The following KLHL13 variants were observed in gnomAD, a reference collection of about 807,000 sequenced individuals.
The protein encoded by KLHL13 is kelch-like protein 13.
A neutral mutation model predicts 37.1 loss-of-function variants in KLHL13; 10 were observed. The observed-to-expected ratio is 0.27, with a 90% confidence interval of 0.17 to 0.46. The LOEUF is 0.46. KLHL13 is among the 20% of genes least tolerant of loss of function. The pLI, the probability that KLHL13 is intolerant of heterozygous loss-of-function variation, is 1.00. For synonymous variants in KLHL13, 163 were observed against 181.2 expected (o/e 0.90, Z 0.81); for missense variants, 360 against 509.3 (o/e 0.71, Z 2.82).
chrX:117,963,025 T>C (rs971324151), intron 1 of KLHL13, among the ~76,000 whole-genome samples: 1 of 112,307 alleles, frequency 8.9e-6, no homozygotes, highest in Non-Finnish European at 1.9e-5. Flanking sequence ...ATTTGGAATA[T>C]GTCTCATGAA....
intron 5 of KLHL13, among the ~76,000 whole-genome samples, chrX:117,903,713 A>G (rs1930309203): frequency 9.0e-6 from 1 of 111,144 alleles, no homozygotes; most frequent in Non-Finnish European, 1.9e-5. Flanking sequence ...ATTAATGGGA[A>G]GCTTTTAGAA....
intron 1 of KLHL13, among the ~76,000 whole-genome samples, chrX:117,948,629 A>C (rs769106176): frequency 4.5e-5 from 5 of 111,343 alleles, no homozygotes; most frequent in South Asian, 7.6e-4. Flanking sequence ...GACTATATTA[A>C]CGAATTTTGT....
intron 1 of KLHL13, among the ~76,000 whole-genome samples, chrX:118,006,118 T>C (rs2053978752): frequency 9.0e-6 from 1 of 111,714 alleles, no homozygotes; most frequent in Non-Finnish European, 1.9e-5. Context: ...ACCCAGTGAT[T>C]ATTAGATCAA....
chrX:117,977,420 A>G (rs1295398224), upstream of KLHL13, among the ~76,000 whole-genome samples: 2 of 110,165 alleles, frequency 1.8e-5, no homozygotes, highest in African/African-American at 6.9e-5. Context: ...TAATTTGCTA[A>G]CTGACTAGTA....
At chrX:118,098,834 C>T (rs1283445784) in intron 1 of KLHL13, among the ~76,000 whole-genome samples, 1 of 102,590 alleles carries the variant, frequency 9.7e-6, no homozygotes, top group Non-Finnish European at 2.0e-5. Flanking sequence ...GACAAAAAAC[C>T]AAACACCGCA....
intron 2 of KLHL13, among the ~76,000 whole-genome samples, chrX:117,938,946 A>AT (rs200951166): frequency 1.5e-4 from 16 of 106,892 alleles, no homozygotes; most frequent in Admixed American, 5.0e-4. Context: ...AGAGGGATTT[A>AT]TTTTTTTTTT....
At chrX:118,111,274 C>T in intron 1 of KLHL13, among the ~76,000 whole-genome samples, 1 of 112,560 alleles carries the variant, frequency 8.9e-6, no homozygotes, top group Non-Finnish European at 1.9e-5. Flanking sequence ...GTCTATGGTG[C>T]AACCCCATAA....
At chrX:117,972,722 C>A in intron 1 of KLHL13, 1 of 1,186,465 alleles carries the variant, frequency 8.4e-7, no homozygotes, top group East Asian at 3.0e-5. Context: ...CCTATTTTCT[C>A]TCACTTACAT....
At chrX:118,050,943 G>A (rs1225724436) in intron 1 of KLHL13, among the ~76,000 whole-genome samples, 1 of 111,908 alleles carries the variant, frequency 8.9e-6, no homozygotes, top group Non-Finnish European at 1.9e-5. Context: ...TAGAGAATCT[G>A]CATTGCTAAC....
chrX:117,902,263 G>T (rs565547129), intron 5 of KLHL13, among the ~76,000 whole-genome samples: 16 of 110,737 alleles, frequency 1.4e-4, no homozygotes, highest in Admixed American at 4.8e-4. Context: ...CATTTTCTTT[G>T]CTCTAAAAAC....
chrX:117,999,133 A>G (rs927890514), intron 1 of KLHL13, among the ~76,000 whole-genome samples: 2 of 110,932 alleles, frequency 1.8e-5, no homozygotes, highest in Non-Finnish European at 3.8e-5. Flanking sequence ...GATAAAAACA[A>G]AAGGTTCCTC....
At position 117,972,661 on chromosome X, in the gene KLHL13, GC is replaced by G. The variant is rs2053543556; in HGVS notation, c.98+69del. Reference sequence around the variant, plus strand: ...GATGTTGCTGTTTGGGGGCTCCCCCGCCCCCATTTTGCCACAAGGTAGATTC... The same window carrying G: ...GATGTTGCTGTTTGGGGGCTCCCCCGCCCCATTTTGCCACAAGGTAGATTC... On this transcript the variant is annotated intron_variant, in intron 1 of 6. Coordinates refer to ENST00000262820, the Ensembl canonical transcript of KLHL13. 7.8e-5 allele frequency: 74 copies of G among 944,415 alleles called. 1 individual carries two copies. In the South Asian group the frequency reaches 1.4e-3, roughly 18 times the overall value. 77.8% of individuals were successfully genotyped at this position (944,415 alleles called of 1,213,427 possible). A position where few individuals can be genotyped will look rare whatever the true frequency, so the allele number is the denominator to read the frequency against.
intron 5 of KLHL13, among the ~76,000 whole-genome samples, chrX:117,906,530 G>T (rs887980044): frequency 8.1e-5 from 9 of 111,090 alleles, no homozygotes; most frequent in Admixed American, 9.6e-5. Flanking sequence ...CTCAAAGGGG[G>T]TGGAGTGGAT....
Position 118,071,054 on chromosome X carries a change from A to G in KLHL13, c.-56+45454T>C, listed in dbSNP as rs751899940. 2.7e-4 allele frequency among the ~76,000 whole-genome samples: 30 copies of G among 110,594 alleles called. No individual in the cohort carries two copies. The South Asian group carries it at 0.012, about 42-fold the overall frequency. On this transcript the variant is annotated intron_variant, in intron 1 of 6. Coordinates refer to the KLHL13 transcript ENST00000371882. ...AGTTTACTGAGAATGATGATTTCCA[A>G]CTTCATCCATGTCCCTACAAAGGAC...
At chrX:118,097,255 A>G (rs752619749) in intron 1 of KLHL13, among the ~76,000 whole-genome samples, 1 of 111,137 alleles carries the variant, frequency 9.0e-6, no homozygotes, top group East Asian at 2.8e-4. Context: ...ATCAATGTGC[A>G]AAAATCACAA....
chrX:118,096,179 T>TAATAAA (rs2055203774), intron 1 of KLHL13, among the ~76,000 whole-genome samples: 2 of 111,381 alleles, frequency 1.8e-5, no homozygotes, highest in African/African-American at 6.5e-5. Context: ...GATAGACTGC[T>TAATAAA]AGCAAGACTA....
chrX:118,110,893 G>C (rs111560941), intron 1 of KLHL13, among the ~76,000 whole-genome samples: 5 of 111,787 alleles, frequency 4.5e-5, no homozygotes, highest in African/African-American at 1.3e-4. Flanking sequence ...TACCAGATGA[G>C]AGTACTAACA....
chrX:118,041,344 T>C (rs1381299324), intron 1 of KLHL13, among the ~76,000 whole-genome samples: 2 of 110,981 alleles, frequency 1.8e-5, no homozygotes, highest in Non-Finnish European at 3.8e-5. Flanking sequence ...CTGGGCAACA[T>C]GGCAAAACCC....
chrX:118,015,079 T>C (rs2054112773), intron 1 of KLHL13, among the ~76,000 whole-genome samples: 1 of 111,735 alleles, frequency 8.9e-6, no homozygotes, highest in African/African-American at 3.3e-5. Flanking sequence ...CACTTTATTT[T>C]ACAGATGAGG....
Sources: gnomAD v4.1 joint callset for allele counts (sites outside exome capture counted in the v4.1 genomes callset) on GRCh38, gnomAD v4.1.1 for gene constraint, MANE v1.5 for transcripts, NCBI Gene and HGNC (gene_info 2026-07-23, HGNC 2026-07-21) for gene names.